FBXO34: variants seen among roughly 807,000 people sequenced by gnomAD.
FBXO34 encodes F-box only protein 34.
Under a neutral mutation model 24.5 loss-of-function variants are expected in FBXO34, and 12 were observed. The observed-to-expected ratio is 0.49, with a 90% CI of 0.31 to 0.79. The LOEUF is 0.79. Among genes scored for constraint, FBXO34 ranks in the 30% least tolerant of loss-of-function variants. The pLI, the probability that FBXO34 is intolerant of heterozygous loss-of-function variation, is 0.04. For missense variants in FBXO34, 823 were observed against 857.7 expected (o/e 0.96, Z 0.51); for synonymous variants, 320 against 311.9 (o/e 1.03, Z -0.27).
At chr14:55,337,928 G>C (rs1883840435) in intron 1 of FBXO34, among the ~76,000 whole-genome samples, 1 of 151,926 alleles carries the variant, frequency 6.6e-6, no homozygotes, top group South Asian at 2.1e-4. Context: ...CGTAGGCTTT[G>C]ACTCCTGACC....
downstream of FBXO34, chr14:55,353,745 G>A (rs550832802): frequency 6.2e-6 from 1 of 161,078 alleles, no homozygotes; most frequent in Admixed American, 6.5e-5. Flanking sequence ...CACGGAAGAG[G>A]CCATCTTCAC....
intron 3 of FBXO34, among the ~76,000 whole-genome samples, chr14:55,359,542 C>T (rs1340070647): frequency 6.6e-6 from 1 of 152,188 alleles, no homozygotes; most frequent in East Asian, 1.9e-4. Flanking sequence ...GAGTCATAAT[C>T]TTTGCTGGTG....
the FBXO34 span, chr14:55,414,064 G>A: frequency 7.2e-6 from 4 of 556,476 alleles, no homozygotes; most frequent in South Asian, 5.6e-5. Flanking sequence ...CGTCATTTTG[G>A]CAAATTACTG....
intron 3 of FBXO34, among the ~76,000 whole-genome samples, chr14:55,359,551 T>A (rs189345744): frequency 2.8e-4 from 43 of 152,306 alleles, no homozygotes; most frequent in Admixed American, 1.1e-3. Flanking sequence ...TCTTTGCTGG[T>A]GTATGGTTTG....
In FBXO34 at chr14:55,350,706, G is replaced by C; in HGVS notation, c.316G>C (p.Asp106His). The part of the protein sequence containing the change: ...IHQGEEEGPL[D>H]IWAVVKPGNT... ...CCAGGGCGAAGAAGAAGGACCACTT[G>C]ATATCTGGGCTGTTGTGAAACCTGG... The change falls in exon 2 of 2, where the codon GAT (aspartate) becomes CAT (histidine). Residue 106 changes from aspartate to histidine, a missense_variant. By Grantham distance (81) the Asp-to-His change is moderately conservative (BLOSUM62 -1). Transcript: ENST00000313833. 1.2e-6 allele frequency: 2 copies of C among 1,613,518 alleles called. No homozygotes were observed. Among genetic ancestry groups the C allele is most frequent in the African/African-American group, 2.7e-5 (2 of 74,950 alleles).
chr14:55,428,879 A>G, the FBXO34 span: 1 of 1,614,134 alleles, frequency 6.2e-7, no homozygotes, highest in Non-Finnish European at 8.5e-7. Context: ...GCTTCCAACC[A>G]TGTTCTGAAT....
chr14:55,273,936 G>C (rs1881249358), intron 1 of FBXO34, among the ~76,000 whole-genome samples: 1 of 152,154 alleles, frequency 6.6e-6, no homozygotes, highest in Admixed American at 6.5e-5. Context: ...CCCTCGAATA[G>C]CTGGGACTAC....
At chr14:55,441,457 G>C in the FBXO34 span, among the ~76,000 whole-genome samples, 26 of 152,158 alleles carry the variant, frequency 1.7e-4, no homozygotes, top group Non-Finnish European at 7.4e-5. Context: ...CATTCCGCCA[G>C]GGATGTTTTT....
In FBXO34 at chr14:55,351,553, A is replaced by G. The variant is rs370604159; in HGVS notation, c.1163A>G (p.Glu388Gly). The change falls in exon 2 of 2, where the codon GAG (glutamate) becomes GGG (glycine). Residue 388 changes from glutamate (E) to glycine (G), a missense_variant. Around this residue, in one of 2 missense-constraint regions of FBXO34, gnomAD observed 693 missense variants for 659.1 expected, o/e 1.05. Coordinates refer to ENST00000313833, the MANE Select transcript of FBXO34 (RefSeq NM_017943.4). Reference protein sequence around the residue: ...AGVSFHIDSAELEPGSQTAVK... With the variant: ...AGVSFHIDSAGLEPGSQTAVK... ...GTGAGTTTCCACATAGACAGTGCAG[A>G]GTTAGAGCCGGGTTCGCAAACTGCC... 15 of 1,614,030 alleles carry G rather than the reference A, an allele frequency of 9.3e-6. No individual in the cohort carries two copies. The highest frequency in any genetic ancestry group is 1.3e-5 in the Non-Finnish European group (15 of 1,180,022).
the FBXO34 span, among the ~76,000 whole-genome samples, chr14:55,433,046 C>T: frequency 6.6e-6 from 1 of 152,208 alleles, no homozygotes; most frequent in Non-Finnish European, 1.5e-5. Flanking sequence ...AAAAAAAATT[C>T]ACCTTAGAAA....
intron 1 of FBXO34, among the ~76,000 whole-genome samples, chr14:55,329,775 TTC>T (rs1883471140): frequency 6.6e-6 from 1 of 152,208 alleles, no homozygotes; most frequent in Non-Finnish European, 1.5e-5. Flanking sequence ...ATTGAATATT[TTC>T]TCTTAGCCTC....
downstream of FBXO34, among the ~76,000 whole-genome samples, chr14:55,362,112 C>T (rs1327414271): frequency 3.3e-5 from 5 of 152,174 alleles, no homozygotes; most frequent in East Asian, 3.8e-4. Flanking sequence ...AAGTGAGAGA[C>T]ATGGGACTCT....
downstream of FBXO34, among the ~76,000 whole-genome samples, chr14:55,362,318 G>A (rs1594771745): frequency 6.6e-6 from 1 of 152,180 alleles, no homozygotes; most frequent in Admixed American, 6.5e-5. Context: ...AATTACAATA[G>A]TAACATCAAA....
intron 1 of FBXO34, among the ~76,000 whole-genome samples, chr14:55,280,302 A>C (rs982839032): frequency 2.6e-5 from 4 of 152,162 alleles, no homozygotes; most frequent in African/African-American, 9.7e-5. Context: ...TGGGTTTATC[A>C]TCCATGGATC....
At chr14:55,279,321 G>C (rs61975429) in intron 1 of FBXO34, among the ~76,000 whole-genome samples, 1 of 151,924 alleles carries the variant, frequency 6.6e-6, no homozygotes, top group Admixed American at 6.6e-5. Flanking sequence ...ATTTAGTGGG[G>C]TCTAATAATT....
In FBXO34 at chr14:55,351,624, G is replaced by A. The variant is rs941799193; in HGVS notation, c.1234G>A (p.Val412Ile). ...TGATGTGGAAATGACAGATGAACTC[G>A]TTGGGTTACCTTTTTCCTCTCATAC... The part of the protein sequence containing the change: ...RYDVEMTDEL[V>I]GLPFSSHTYS... The change falls in exon 2 of 2, where the codon GTT (valine) becomes ATT (isoleucine). Residue 412 changes from valine to isoleucine, a missense_variant. Val to Ile is a conservative substitution (Grantham distance 29, BLOSUM62 3). This residue lies in a region of FBXO34 where 693 missense variants were observed against 659.1 expected (regional missense o/e 1.05). Coordinates refer to ENST00000313833, the MANE Select transcript of FBXO34 (RefSeq NM_017943.4). The A allele has an allele frequency of 5.6e-6, 9 of 1,614,092 alleles. No homozygotes were observed. Among genetic ancestry groups the A allele is most frequent in the African/African-American group, 4.0e-5 (3 of 74,926 alleles).
At chr14:55,439,188 C>T in the FBXO34 span, among the ~76,000 whole-genome samples, 1 of 151,550 alleles carries the variant, frequency 6.6e-6, no homozygotes. Context: ...AGCCACGTGC[C>T]TCGGCCTCCC....
chr14:55,436,872 A>C, the FBXO34 span: 1 of 1,614,214 alleles, frequency 6.2e-7, no homozygotes, highest in Non-Finnish European at 8.5e-7. Flanking sequence ...GTAGGAAGCT[A>C]AGATCCACAG....
intron 1 of FBXO34, among the ~76,000 whole-genome samples, chr14:55,302,852 T>G (rs1024296336): frequency 3.3e-5 from 5 of 152,232 alleles, no homozygotes; most frequent in African/African-American, 9.6e-5. Flanking sequence ...GTAAGTAGTT[T>G]TGGGGCAAAT....
Sources: allele counts gnomAD v4.1 joint callset (sites outside exome capture counted in the v4.1 genomes callset), GRCh38; gene constraint gnomAD v4.1.1; regional missense constraint gnomAD v4.1.1; transcripts MANE v1.5; gene names NCBI Gene and HGNC (gene_info 2026-07-23, HGNC 2026-07-21).